Variants in DNAJC16 observed in about 807,000 individuals in gnomAD.
DNAJC16 encodes dnaJ homolog subfamily C member 16.
A neutral mutation model predicts 92.7 loss-of-function variants in DNAJC16; 76 were observed. That is an observed-to-expected ratio of 0.82 (90% CI 0.68 to 0.99). The LOEUF (loss-of-function observed/expected upper bound fraction) is 0.99. DNAJC16 is among the 50% of genes least tolerant of loss of function. The pLI, the probability that DNAJC16 is intolerant of heterozygous loss-of-function variation, is 0.00. For missense variants in DNAJC16, 869 were observed against 942.4 expected (o/e 0.92, Z 1.02); for synonymous variants, 328 against 358.7 (o/e 0.91, Z 0.97).
intron 4 of DNAJC16, among the ~76,000 whole-genome samples, chr1:15,544,158 A>ACACACACACACACACACACACACG (rs1557576347): frequency 2.7e-5 from 2 of 74,476 alleles, no homozygotes; most frequent in African/African-American, 8.9e-5. Context: ...GCATACACAC[A>ACACACACACACACACACACACACG]CACACACACA....
intron 8 of DNAJC16, chr1:15,560,391 A>G (rs1052564402): frequency 6.6e-6 from 1 of 152,228 alleles, no homozygotes; most frequent in East Asian, 1.9e-4. Flanking sequence ...GGAAGTACAG[A>G]GTATTGAGGA....
chr1:15,557,600 T>C (rs1638595730), intron 7 of DNAJC16, among the ~76,000 whole-genome samples: 2 of 152,286 alleles, frequency 1.3e-5, no homozygotes, highest in African/African-American at 4.8e-5. Flanking sequence ...TTAACTTCTT[T>C]TCTATTATGT....
intron 6 of DNAJC16, among the ~76,000 whole-genome samples, chr1:15,547,891 C>T (rs184002168): frequency 1.3e-5 from 2 of 152,260 alleles, no homozygotes; most frequent in Non-Finnish European, 1.5e-5. Flanking sequence ...AGCCTACCTA[C>T]ACTCCCCACT....
chr1:15,546,628 G>A (rs1229768955), intron 5 of DNAJC16, 139 bp from the exon 6 acceptor site: 2 of 630,382 alleles, frequency 3.2e-6, no homozygotes, highest in South Asian at 2.3e-5. Flanking sequence ...GCCAAATGAA[G>A]ACAAAAAGAT....
intron 6 of DNAJC16, among the ~76,000 whole-genome samples, chr1:15,547,928 C>T (rs377171364): frequency 6.6e-6 from 1 of 152,054 alleles, no homozygotes; most frequent in South Asian, 2.1e-4. Flanking sequence ...TGACATGAGA[C>T]GGAGAGGAAG....
chr1:15,536,537 G>C lies in DNAJC16; in HGVS notation c.297G>C (p.Gln99His), dbSNP rs1192188293. 2 of 1,614,146 alleles carry C rather than the reference G, an allele frequency of 1.2e-6. No homozygotes were observed. Among genetic ancestry groups the C allele is most frequent in the African/African-American group, 2.7e-5 (2 of 75,038 alleles). ...AATATGGAGACGCTGGAGAGAACCA[G>C]GGCTACCAGAAGCAGCAACAGCAGC... ...YDQYGDAGEN[Q>H]GYQKQQQQRE... Residue 99 changes from glutamine (Q) to histidine (H), a missense_variant, in exon 4 of 15, where the codon CAG becomes CAC. Physicochemically the swap from Gln to His is conservative, Grantham distance 24. Coordinates refer to ENST00000375847, the MANE Select transcript of DNAJC16 (RefSeq NM_015291.4).
chr1:15,546,699 C>T (rs1374106210), intron 5 of DNAJC16, 68 bp from the exon 6 acceptor site: 2 of 1,231,970 alleles, frequency 1.6e-6, no homozygotes, highest in Non-Finnish European at 2.3e-6. Context: ...TTTATTTTCT[C>T]CTGACTGGAG....
At chr1:15,553,587 T>A (rs903942449) in intron 7 of DNAJC16, among the ~76,000 whole-genome samples, 1 of 152,172 alleles carries the variant, frequency 6.6e-6, no homozygotes, top group Admixed American at 6.5e-5. Flanking sequence ...TGACATATAA[T>A]ACACATGCAG....
chr1:15,568,766 G>A lies in DNAJC16; in HGVS notation c.*589G>A, dbSNP rs1192693002. The stretch of plus-strand genomic sequence containing the variant: ...TGGGGGTATCCCCCAACAACAGTTT[G>A]TTGGCCACAGGTTGAAAAGGAAAGG... On this transcript the variant is annotated 3_prime_UTR_variant, in exon 15 of 15. Coordinates refer to ENST00000375847, the MANE Select transcript of DNAJC16 (RefSeq NM_015291.4). 1.3e-5 allele frequency: 5 copies of A among 398,730 alleles called. No homozygotes were observed. In the East Asian group the frequency reaches 1.8e-4, roughly 14 times the overall value. The allele number at this position is 398,730 out of a possible 1,614,324, so 24.7% of individuals were successfully genotyped here. A position where few individuals can be genotyped will look rare whatever the true frequency, so the allele number is the denominator to read the frequency against.
intron 10 of DNAJC16, 33 bp from the exon 11 acceptor site, chr1:15,564,250 G>A: frequency 1.3e-6 from 2 of 1,555,672 alleles, no homozygotes; most frequent in Non-Finnish European, 1.8e-6. Flanking sequence ...TCCGGCTTTA[G>A]TCCTGACCAT....
chr1:15,546,002 G>A (rs1488537205), intron 5 of DNAJC16, among the ~76,000 whole-genome samples: 3 of 151,976 alleles, frequency 2.0e-5, no homozygotes, highest in East Asian at 3.9e-4. Flanking sequence ...TTTTATTTAC[G>A]CCGTTTAAAA....
chr1:15,548,140 G>A (rs1414939777), intron 6 of DNAJC16, 130 bp from the exon 7 acceptor site: 17 of 765,228 alleles, frequency 2.2e-5, no homozygotes, highest in East Asian at 1.6e-4. Context: ...ACAAGGATAC[G>A]GAAGACCTAG....
At chr1:15,557,343 G>A (rs573160763) in intron 7 of DNAJC16, among the ~76,000 whole-genome samples, 10 of 152,286 alleles carry the variant, frequency 6.6e-5, no homozygotes, top group African/African-American at 2.4e-4. Flanking sequence ...TGCATTGTAG[G>A]TAGTGATTCC....
In DNAJC16 at chr1:15,562,392, T is replaced by C. The variant is rs927832749; in HGVS notation, c.1338+67T>C. The C allele has an allele frequency of 2.0e-6, 3 of 1,467,514 alleles. No individual in the cohort carries two copies. In the African/African-American group the frequency reaches 4.2e-5, roughly 20 times the overall value. The allele number at this position is 1,467,514 out of a possible 1,614,324, so 90.9% of individuals were successfully genotyped here. ...CATGTGGCACTTGATTCTGTTTCCT[T>C]CTTCCTTGAGAGTGTTGAATACAGA... On this transcript the variant is annotated intron_variant, in intron 9 of 14. Transcript: ENST00000375847.
At chr1:15,530,873 A>G (rs1390850331) in intron 2 of DNAJC16, among the ~76,000 whole-genome samples, 1 of 152,150 alleles carries the variant, frequency 6.6e-6, no homozygotes, top group Non-Finnish European at 1.5e-5. Flanking sequence ...TTTCTAGTAG[A>G]GACGGGGTTT....
rs186464834 is a variant in DNAJC16 at position 15,560,004 on chromosome 1, G to A, written c.1154+348G>A. ...CTTGAACCTGGGAGGCAGAGGTTGC[G>A]GTGAGCCGAGATCATGCCATTGCAC... On this transcript the variant is annotated intron_variant, in intron 8 of 14. Coordinates refer to ENST00000375847, the MANE Select transcript of DNAJC16 (RefSeq NM_015291.4). The A allele has an allele frequency of 3.8e-3, 592 of 156,094 alleles. 6 individuals are homozygous for A. The highest frequency in any genetic ancestry group is 0.013 in the African/African-American group (543 of 41,126). The allele number at this position is 156,094 out of a possible 1,614,324, so 9.7% of individuals were successfully genotyped here.
In DNAJC16 at chr1:15,567,816, AAC is replaced by A; in HGVS notation, c.1992_1993del (p.His664GlnfsTer22). On this transcript the variant is annotated frameshift_variant, in exon 15 of 15. Coordinates refer to ENST00000375847, the MANE Select transcript of DNAJC16 (RefSeq NM_015291.4). LOFTEE classifies it high-confidence loss of function. ...CACTTCTCCTTCCTGAGTCTAGATA[AAC>A]ACAGAGAATGGCTAGAATACTTACT... The A allele has an allele frequency of 6.2e-7, 1 of 1,614,190 alleles. No homozygotes were observed. Among genetic ancestry groups the A allele is most frequent in the East Asian group, 2.2e-5 (1 of 44,892 alleles).
intron 7 of DNAJC16, among the ~76,000 whole-genome samples, chr1:15,556,354 A>G (rs1470959349): frequency 6.6e-6 from 1 of 151,990 alleles, no homozygotes; most frequent in Non-Finnish European, 1.5e-5. Context: ...CCTGCCTCTC[A>G]GCCTCCTGAG....
At chr1:15,536,855 AC>A in intron 4 of DNAJC16, 41 bp downstream of exon 4, 1 of 1,520,792 alleles carries the variant, frequency 6.6e-7, no homozygotes, top group African/African-American at 1.4e-5. Context: ...TATATAGATG[AC>A]TTTTTTTTTT....
Sources: gnomAD v4.1 joint callset for allele counts (sites outside exome capture counted in the v4.1 genomes callset) on GRCh38, gnomAD v4.1.1 for gene constraint, MANE v1.5 for transcripts, NCBI Gene and HGNC (gene_info 2026-07-23, HGNC 2026-07-21) for gene names.